MSH4: variants seen among roughly 807,000 people sequenced by gnomAD.
MSH4 encodes the protein mutS homolog 4, also known as mutS protein homolog 4.
A neutral mutation model predicts 113.7 loss-of-function variants in MSH4; 106 were observed. That is an observed-to-expected ratio of 0.93 (90% CI 0.80 to 1.10). MSH4 has a LOEUF of 1.10. MSH4 is among the 50% of genes least tolerant of loss of function. The pLI is 0.00. For missense variants in MSH4, 1,061 were observed against 1,093.7 expected, an observed-to-expected ratio of 0.97 and a Z score of 0.42; for synonymous variants, 368 against 380.2, an observed-to-expected ratio of 0.97 and a Z score of 0.37.
intron 2 of MSH4, 28 bp downstream of exon 2, chr1:75,803,941 T>C (rs749641446): frequency 6.4e-6 from 9 of 1,408,026 alleles, no homozygotes; most frequent in Non-Finnish European, 8.4e-6. Context: ...TTAACCTAGA[T>C]GATGTTTTGA....
intron 8 of MSH4, among the ~76,000 whole-genome samples, chr1:75,850,018 A>G (rs1339669875): frequency 2.0e-5 from 3 of 152,146 alleles, no homozygotes; most frequent in Non-Finnish European, 4.4e-5. Context: ...TGGCAGTGAT[A>G]CACTCTCTCA....
chr1:75,912,821 C>T lies in MSH4; in HGVS notation c.2745C>T (p.Asn915=). Residue 915 remains asparagine (N), a synonymous_variant, in exon 20 of 20, where the codon AAC becomes AAT. Coordinates refer to ENST00000263187, the MANE Select transcript of MSH4 (RefSeq NM_002440.4). ...DPDSLRIYLS[N]LKKKYKEDFP... is the part of the protein sequence containing the mutation. ...ACAGTTTACGAATATATTTAAGTAA[C>T]CTCAAGAAGAAGTACAAAGAAGATT... 3 of 1,584,180 alleles carry T rather than the reference C, an allele frequency of 1.9e-6. No individual in the cohort carries two copies. In the South Asian group the frequency reaches 3.5e-5, roughly 18 times the overall value.
At chr1:75,831,929 T>G (rs1182339582) in intron 7 of MSH4, among the ~76,000 whole-genome samples, 2 of 151,796 alleles carry the variant, frequency 1.3e-5, no homozygotes, top group African/African-American at 4.8e-5. Flanking sequence ...AAGAAATAAC[T>G]AAGATCAGAG....
At chr1:75,905,781 C>A (rs1157908111) in intron 19 of MSH4, among the ~76,000 whole-genome samples, 1 of 151,982 alleles carries the variant, frequency 6.6e-6, no homozygotes, top group African/African-American at 2.4e-5. Flanking sequence ...GCTGAATTGA[C>A]CCCTTTATTA....
chr1:75,877,792 A>G (rs1456066795), intron 10 of MSH4, among the ~76,000 whole-genome samples: 6 of 152,170 alleles, frequency 3.9e-5, no homozygotes, highest in Non-Finnish European at 8.8e-5. Flanking sequence ...TACATGGTGT[A>G]CATTGATGTT....
intron 9 of MSH4, among the ~76,000 whole-genome samples, chr1:75,873,022 G>A (rs1651747486): frequency 1.3e-5 from 2 of 152,226 alleles, no homozygotes. Context: ...CTGTGCTAGT[G>A]CAGCAGACAC....
chr1:75,868,783 G>A lies in MSH4; in HGVS notation c.1305+1195G>A, dbSNP rs780761723. ...GTTCTTCTTGCCTACCGGCATGTAA[G>A]ATGTAACTTTGCTCCTGATTTACCT... On this transcript the variant is annotated intron_variant, in intron 9 of 19. Transcript: ENST00000263187. Among the ~76,000 whole-genome samples the A allele has an allele frequency of 1.0e-3, 152 of 152,356 alleles. 1 individual carries two copies. Among genetic ancestry groups the A allele is most frequent in the Middle Eastern group, 3.4e-3 (1 of 294 alleles).
chr1:75,904,157 C>CATATCAT (rs1243580127), intron 19 of MSH4, among the ~76,000 whole-genome samples: 1 of 152,128 alleles, frequency 6.6e-6, no homozygotes, highest in Non-Finnish European at 1.5e-5. Context: ...GTTAATATGA[C>CATATCAT]ATATCATATT....
At chr1:75,845,111 C>T (rs1651047925) in intron 7 of MSH4, among the ~76,000 whole-genome samples, 1 of 152,244 alleles carries the variant, frequency 6.6e-6, no homozygotes, top group Non-Finnish European at 1.5e-5. Flanking sequence ...CTTTAAAGGT[C>T]CCACCTCTCA....
At position 75,815,121 on chromosome 1, in the gene MSH4, T is replaced by C. The variant is rs1650269163; in HGVS notation, c.800T>C (p.Met267Thr). The change falls in exon 5 of 20, where the codon ATG (methionine) becomes ACG (threonine). Residue 267 changes from methionine to threonine, a missense_variant. By Grantham distance (81) the Met-to-Thr change is moderately conservative. Transcript: ENST00000263187. Reference sequence around the variant, plus strand: ...ATAGCAGAATTCAGCACTGTCCTAATGGAGGTTCAGTCCAAGTAAGTTATA... The same window carrying C: ...ATAGCAGAATTCAGCACTGTCCTAACGGAGGTTCAGTCCAAGTAAGTTATA... ...LCIAEFSTVL[M>T]EVQSKYYCLA... 6.4e-7 allele frequency: 1 copy of C among 1,561,054 alleles called. No homozygotes were observed. Among genetic ancestry groups the C allele is most frequent in the Non-Finnish European group, 8.7e-7 (1 of 1,153,890 alleles).
At position 75,872,192 on chromosome 1, in the gene MSH4, C is replaced by G. The variant is rs1227061849; in HGVS notation, c.1305+4604C>G. Among the ~76,000 whole-genome samples, 4 of 152,180 alleles carry G rather than the reference C, an allele frequency of 2.6e-5. No individual in the cohort carries two copies. The South Asian group carries it at 6.2e-4, about 24-fold the overall frequency. ...TCCCAGATTCTTCTATGCAAACATT[C>G]CCACAAAGGGTAACACAATGACACA... On this transcript the variant is annotated intron_variant, in intron 9 of 19. Transcript: ENST00000263187.
At chr1:75,877,435 G>A (rs1402291325) in intron 10 of MSH4, among the ~76,000 whole-genome samples, 1 of 152,144 alleles carries the variant, frequency 6.6e-6, no homozygotes, top group African/African-American at 2.4e-5. Flanking sequence ...GTTGTGGACT[G>A]AAGAACTACT....
chr1:75,895,539 T>C (rs1321296225), intron 17 of MSH4, among the ~76,000 whole-genome samples: 2 of 152,158 alleles, frequency 1.3e-5, no homozygotes, highest in African/African-American at 4.8e-5. Flanking sequence ...AAATAAGGAC[T>C]GTCTGTAATT....
intron 5 of MSH4, among the ~76,000 whole-genome samples, chr1:75,815,819 G>T (rs977568920): frequency 2.6e-5 from 4 of 151,970 alleles, no homozygotes; most frequent in Non-Finnish European, 5.9e-5. Context: ...ACCAGCCTCA[G>T]CAACATGGCA....
intron 7 of MSH4, among the ~76,000 whole-genome samples, chr1:75,843,374 T>C (rs1490702686): frequency 6.6e-6 from 1 of 152,188 alleles, no homozygotes; most frequent in Non-Finnish European, 1.5e-5. Flanking sequence ...ACCCACCCTG[T>C]GGGGCTGGAC....
At chr1:75,884,836 G>T (rs1652026704) in intron 15 of MSH4, among the ~76,000 whole-genome samples, 1 of 151,830 alleles carries the variant, frequency 6.6e-6, no homozygotes, top group East Asian at 1.9e-4. Context: ...TATTGATTTT[G>T]TAGGTTTATT....
intron 3 of MSH4, among the ~76,000 whole-genome samples, 194 bp from the exon 4 acceptor site, chr1:75,810,503 C>T (rs1012613345): frequency 6.6e-6 from 1 of 151,172 alleles, no homozygotes; most frequent in Non-Finnish European, 1.5e-5. Context: ...GATCTGCCCA[C>T]CTCAGCCTCC....
At chr1:75,900,134 A>G (rs923717192) in intron 19 of MSH4, among the ~76,000 whole-genome samples, 2 of 152,180 alleles carry the variant, frequency 1.3e-5, no homozygotes, top group African/African-American at 4.8e-5. Flanking sequence ...AGGTCTTTAT[A>G]GTAAAAGATT....
intron 7 of MSH4, among the ~76,000 whole-genome samples, chr1:75,829,237 A>G (rs1175977213): frequency 6.6e-6 from 1 of 152,120 alleles, no homozygotes; most frequent in Non-Finnish European, 1.5e-5. Context: ...AGGCTGGGGG[A>G]TGGGCATCTG....
Sources: allele counts gnomAD v4.1 joint callset (sites outside exome capture counted in the v4.1 genomes callset), GRCh38; gene constraint gnomAD v4.1.1; transcripts MANE v1.5; gene names NCBI Gene and HGNC (gene_info 2026-07-23, HGNC 2026-07-21).